Variants in PBX1 observed in about 807,000 individuals in gnomAD.
The protein encoded by PBX1 is pre-B-cell leukemia transcription factor 1.
In PBX1, 6 loss-of-function variants were observed where a neutral mutation model predicts 53.4. The ratio of observed to expected loss-of-function variants is 0.11; its 90% CI spans 0.06 to 0.22. The LOEUF (loss-of-function observed/expected upper bound fraction) is 0.22, where lower values mean the gene tolerates loss of function less well. Among genes scored for constraint, PBX1 ranks in the 10% least tolerant of loss-of-function variants. The probability of loss-of-function intolerance (pLI) is 1.00; values close to 1 mark genes in which losing one functional copy is unlikely to be tolerated. For missense variants in PBX1, 251 were observed against 551.4 expected, an observed-to-expected ratio of 0.46 and a Z score of 5.46; for synonymous variants, 204 against 212.3, an observed-to-expected ratio of 0.96 and a Z score of 0.34.
chr1:164,627,138 A>G (rs1658098647), intron 2 of PBX1, among the ~76,000 whole-genome samples: 1 of 152,208 alleles, frequency 6.6e-6, no homozygotes, highest in African/African-American at 2.4e-5. Context: ...AGAAGCACTT[A>G]GAACTTCAGC....
chr1:164,788,848 C>T (rs1025566058), intron 2 of PBX1, among the ~76,000 whole-genome samples: 1 of 143,402 alleles, frequency 7.0e-6, no homozygotes, highest in African/African-American at 2.6e-5. Flanking sequence ...TAAATGCAAG[C>T]AATATTTATG....
rs1652834228 is a variant in PBX1 at position 164,559,275 on chromosome 1, G to A, written c.-548G>A. 5.4e-6 allele frequency: 1 copy of A among 186,298 alleles called. No individual in the cohort carries two copies. The highest frequency in any genetic ancestry group is 2.1e-4 in the South Asian group (1 of 4,732). The allele number at this position is 186,298 out of a possible 1,614,324, so 11.5% of individuals were successfully genotyped here. A position where few individuals can be genotyped will look rare whatever the true frequency, so the allele number is the denominator to read the frequency against. On this transcript the variant is annotated 5_prime_UTR_variant, in exon 1 of 9. Coordinates refer to ENST00000420696, the MANE Select transcript of PBX1 (RefSeq NM_002585.4). Reference sequence around the variant, plus strand: ...GCTTTGCCTGCCGCCGCGGCTGGGGGAGATCTGGCTTTTGCAACAGCCCAC... The same window carrying A: ...GCTTTGCCTGCCGCCGCGGCTGGGGAAGATCTGGCTTTTGCAACAGCCCAC...
intron 2 of PBX1, among the ~76,000 whole-genome samples, chr1:164,568,733 G>T (rs746218362): frequency 5.9e-5 from 9 of 152,176 alleles, no homozygotes; most frequent in Non-Finnish European, 1.0e-4. Flanking sequence ...TAAGTAATGG[G>T]GTAATCGATC....
chr1:164,776,803 AG>A (rs1299886361), intron 2 of PBX1, among the ~76,000 whole-genome samples: 2 of 152,074 alleles, frequency 1.3e-5, no homozygotes, highest in African/African-American at 4.8e-5. Context: ...CTGTGAGCTT[AG>A]TATACTTGTC....
At position 164,849,180 on chromosome 1, in the gene PBX1, A is replaced by C. The variant is rs1309049055; in HGVS notation, c.*2504A>C. 7.0e-7 allele frequency: 1 copy of C among 1,420,338 alleles called. No homozygotes were observed. Among genetic ancestry groups the C allele is most frequent in the African/African-American group, 1.4e-5 (1 of 69,922 alleles). 88.0% of individuals were successfully genotyped at this position (1,420,338 alleles called of 1,614,324 possible). On this transcript the variant is annotated 3_prime_UTR_variant, in exon 9 of 9. Transcript: ENST00000420696. Reference sequence around the variant, plus strand: ...TCTTGGAAACAAGAAGAGTGACTCCAGATGTGGCCTGAATAATTGCCATGT... The same window carrying C: ...TCTTGGAAACAAGAAGAGTGACTCCCGATGTGGCCTGAATAATTGCCATGT...
chr1:164,847,929 T>C lies in PBX1; in HGVS notation c.*1253T>C, dbSNP rs767675289. ...CCTCTGGAGCACTCAGGGAGCCCCA[T>C]ACAGTACTTACAATGTCTTTAATGG... On this transcript the variant is annotated 3_prime_UTR_variant, in exon 9 of 9. Coordinates refer to ENST00000420696, the MANE Select transcript of PBX1 (RefSeq NM_002585.4). 1.3e-5 allele frequency: 14 copies of C among 1,053,494 alleles called. No homozygotes were observed. Among genetic ancestry groups the C allele is most frequent in the Non-Finnish European group, 1.6e-5 (14 of 871,866 alleles). The allele number at this position is 1,053,494 out of a possible 1,614,324, so 65.3% of individuals were successfully genotyped here.
At chr1:164,584,445 T>A (rs1189482882) in intron 2 of PBX1, among the ~76,000 whole-genome samples, 1 of 152,182 alleles carries the variant, frequency 6.6e-6, no homozygotes, top group East Asian at 1.9e-4. Context: ...TATGCTCTTA[T>A]GTGATGTGTC....
At position 164,655,227 on chromosome 1, in the gene PBX1, C is replaced by A. The variant is rs1002711661; in HGVS notation, c.265+91916C>A. ...CTCCTGGGTTCAAGTGATTCTCCTG[C>A]CTCAGCCTCCCAAGTAGCTGGGATT... On this transcript the variant is annotated intron_variant, in intron 2 of 8. Coordinates refer to ENST00000420696, the MANE Select transcript of PBX1 (RefSeq NM_002585.4). Among the ~76,000 whole-genome samples the A allele has an allele frequency of 2.0e-5, 3 of 151,900 alleles. No individual in the cohort carries two copies. The South Asian group carries it at 6.3e-4, about 32-fold the overall frequency.
chr1:164,564,807 G>A (rs1571227403), intron 2 of PBX1, among the ~76,000 whole-genome samples: 2 of 151,580 alleles, frequency 1.3e-5, no homozygotes, highest in East Asian at 3.9e-4. Context: ...GGAAACTTAA[G>A]TGTGTGTGTA....
At chr1:164,648,261 A>G (rs1780359) in intron 2 of PBX1, among the ~76,000 whole-genome samples, 144,996 of 152,284 alleles carry the variant, frequency 0.95, 69,444 homozygotes, top group East Asian at 1. Flanking sequence ...TCCAATTAAC[A>G]GTGGAGGAAG....
At chr1:164,634,769 T>C (rs1015662642) in intron 2 of PBX1, among the ~76,000 whole-genome samples, 5 of 152,172 alleles carry the variant, frequency 3.3e-5, no homozygotes, top group Admixed American at 2.0e-4. Flanking sequence ...GGAAATAAGT[T>C]CTTTGGGAGA....
chr1:164,668,418 A>G (rs1053860939), intron 2 of PBX1, among the ~76,000 whole-genome samples: 5 of 152,030 alleles, frequency 3.3e-5, no homozygotes, highest in Non-Finnish European at 7.4e-5. Flanking sequence ...CACCTCTCAC[A>G]CGCCAACATC....
intron 2 of PBX1, among the ~76,000 whole-genome samples, chr1:164,755,753 A>G (rs1666478300): frequency 6.6e-6 from 1 of 152,124 alleles, no homozygotes; most frequent in African/African-American, 2.4e-5. Context: ...GCTGAGGACA[A>G]GGAAGAGCAT....
intron 2 of PBX1, among the ~76,000 whole-genome samples, chr1:164,584,966 A>G (rs1476752400): frequency 6.6e-6 from 1 of 152,172 alleles, no homozygotes; most frequent in Non-Finnish European, 1.5e-5. Context: ...CTCCCATCAG[A>G]TGAACCAAAA....
intron 2 of PBX1, among the ~76,000 whole-genome samples, chr1:164,629,167 G>T (rs1658242233): frequency 6.6e-6 from 1 of 151,940 alleles, no homozygotes; most frequent in East Asian, 1.9e-4. Flanking sequence ...CATTAATATT[G>T]GCCGTGTCTC....
At chr1:164,576,305 G>T (rs1462247605) in intron 2 of PBX1, among the ~76,000 whole-genome samples, 1 of 152,154 alleles carries the variant, frequency 6.6e-6, no homozygotes, top group African/African-American at 2.4e-5. Context: ...AGGGGTGGCC[G>T]CGAACCCCCT....
At chr1:164,764,750 A>G (rs1251598390) in intron 2 of PBX1, among the ~76,000 whole-genome samples, 1 of 152,140 alleles carries the variant, frequency 6.6e-6, no homozygotes, top group Non-Finnish European at 1.5e-5. Flanking sequence ...CCACAAATCT[A>G]TATATATAAC....
intron 2 of PBX1, among the ~76,000 whole-genome samples, chr1:164,701,085 A>G (rs10918058): frequency 0.44 from 66,321 of 152,072 alleles, 14,950 homozygotes; most frequent in Middle Eastern, 0.56. Context: ...GTGTCAGATA[A>G]TAAGGTAAAG....
chr1:164,706,103 T>TAACA (rs1472053114), intron 2 of PBX1, among the ~76,000 whole-genome samples: 8 of 152,184 alleles, frequency 5.3e-5, no homozygotes, highest in Non-Finnish European at 1.0e-4. Context: ...ATCTTGAAAA[T>TAACA]GTCTCAATTC....
Sources: allele counts gnomAD v4.1 joint callset (sites outside exome capture counted in the v4.1 genomes callset), GRCh38; gene constraint gnomAD v4.1.1; transcripts MANE v1.5; gene names NCBI Gene and HGNC (gene_info 2026-07-23, HGNC 2026-07-21).